The following RAPGEF2 variants were observed in gnomAD, a reference collection of about 807,000 sequenced individuals.
RAPGEF2 encodes the protein Rap guanine nucleotide exchange factor 2.
In RAPGEF2, 54 loss-of-function variants were observed where a neutral mutation model predicts 186.7. The ratio of observed to expected loss-of-function variants is 0.29; its 90% CI spans 0.23 to 0.36. The LOEUF is 0.36. Ranked by LOEUF, RAPGEF2 falls within the 10% of genes least tolerant of loss-of-function variation. The probability of loss-of-function intolerance (pLI) is 1.00; values close to 1 mark genes in which losing one functional copy is unlikely to be tolerated. For synonymous variants in RAPGEF2, 712 were observed against 705.9 expected, an observed-to-expected ratio of 1.01 and a Z score of -0.14; for missense variants, 1,532 against 2,045.0, an observed-to-expected ratio of 0.75 and a Z score of 4.84.
intron 7 of RAPGEF2, among the ~76,000 whole-genome samples, chr4:159,271,973 T>C (rs1288930352): frequency 6.6e-6 from 1 of 152,196 alleles, no homozygotes; most frequent in Non-Finnish European, 1.5e-5. Context: ...GGTCTTACCA[T>C]GTACATTTCC....
intron 3 of RAPGEF2, among the ~76,000 whole-genome samples, chr4:159,198,430 C>CTT (rs1749049025): frequency 2.9e-5 from 2 of 69,662 alleles, no homozygotes; most frequent in African/African-American, 8.8e-5. Flanking sequence ...CTCTCTCTCT[C>CTT]TCTTTCTTTC....
intron 1 of RAPGEF2, among the ~76,000 whole-genome samples, chr4:159,141,303 A>G (rs1035145123): frequency 2.0e-5 from 3 of 152,196 alleles, no homozygotes; most frequent in African/African-American, 4.8e-5. Flanking sequence ...CAGTCGTTTC[A>G]TACACATAGT....
In RAPGEF2 at chr4:159,329,863, C is replaced by T. The variant is rs1216667286; in HGVS notation, c.1155C>T (p.Val385=). The T allele has an allele frequency of 1.2e-6, 2 of 1,608,342 alleles. No individual in the cohort carries two copies. The highest frequency in any genetic ancestry group is 1.7e-5 in the Admixed American group (1 of 59,052). The change falls in exon 12 of 30, where the codon GTC becomes GTT. Residue 385 remains valine (V), a synonymous_variant. Transcript: ENST00000691494. ...MRTKVDDCQF[V]CIAQQDYCRI... is the part of the protein sequence containing the mutation. ...TGACTTATGTTTTATTCCAGTTTGT[C>T]TGCATAGCCCAGCAAGATTACTGCC... is the stretch of plus-strand genomic sequence containing the variant.
rs1343606298 is a variant in RAPGEF2 at position 159,358,565 on chromosome 4, C to T, written c.*426C>T. The T allele has an allele frequency of 6.0e-6, 1 of 166,422 alleles. No individual in the cohort carries two copies. The allele number at this position is 166,422 out of a possible 1,614,324, so 10.3% of individuals were successfully genotyped here. A position where few individuals can be genotyped will look rare whatever the true frequency, so the allele number is the denominator to read the frequency against. The stretch of plus-strand genomic sequence containing the variant: ...GATCTCATTGGGATAATGAGAAAAG[C>T]TAGCCATTGAACTACTTGGGGCCTT... On this transcript the variant is annotated 3_prime_UTR_variant, in exon 30 of 30. Coordinates refer to ENST00000691494, the MANE Select transcript of RAPGEF2 (RefSeq NM_001394067.2).
intron 1 of RAPGEF2, among the ~76,000 whole-genome samples, chr4:159,125,035 A>AT (rs755621950): frequency 0.037 from 5,190 of 140,348 alleles, 108 homozygotes; most frequent in Non-Finnish European, 0.046. Context: ...AGGTTTTTCT[A>AT]TTTTTTTTTT....
intron 1 of RAPGEF2, among the ~76,000 whole-genome samples, chr4:159,139,682 A>T (rs1483004480): frequency 6.6e-6 from 1 of 152,178 alleles, no homozygotes; most frequent in Non-Finnish European, 1.5e-5. Context: ...AAATTATTCT[A>T]AAGTTATCTT....
chr4:159,192,149 A>G (rs1021672481), intron 2 of RAPGEF2, among the ~76,000 whole-genome samples: 1 of 152,200 alleles, frequency 6.6e-6, no homozygotes, highest in Non-Finnish European at 1.5e-5. Flanking sequence ...TTGTTATTCA[A>G]CTTGGCAACT....
Position 159,312,755 on chromosome 4 carries a change from C to A in RAPGEF2, c.676-1836C>A, listed in dbSNP as rs200502672. Among the ~76,000 whole-genome samples the A allele has an allele frequency of 2.6e-5, 4 of 152,178 alleles. No homozygotes were observed. The East Asian group carries it at 7.7e-4, about 29-fold the overall frequency. On this transcript the variant is annotated intron_variant, in intron 8 of 29. Transcript: ENST00000691494. ...AAAGAGCAGAAAATGTGATAAAACT[C>A]ATTGTTAACACATGCTTGTATTATT...
At chr4:159,214,463 A>G (rs752352162) in intron 4 of RAPGEF2, among the ~76,000 whole-genome samples, 25 of 152,076 alleles carry the variant, frequency 1.6e-4, no homozygotes, top group Non-Finnish European at 3.1e-4. Context: ...GCTTTATGCT[A>G]TTGTACCTAA....
rs1737494570 is a variant in RAPGEF2, at chr4:159,104,047, G to T, written c.-116G>T. ...GCGCCGCCGCCGCCGCGGTTTGGCTGATTAGTCGCGGGCGGGCGGGCGGGC... is the reference window on the plus strand; with the variant it reads ...GCGCCGCCGCCGCCGCGGTTTGGCTTATTAGTCGCGGGCGGGCGGGCGGGC... On this transcript the variant is annotated 5_prime_UTR_variant, in exon 1 of 30. Transcript: ENST00000691494. 3 of 443,116 alleles carry T rather than the reference G, an allele frequency of 6.8e-6. No homozygotes were observed. The highest frequency in any genetic ancestry group is 2.2e-5 in the African/African-American group (1 of 46,480). 27.4% of individuals were successfully genotyped at this position (443,116 alleles called of 1,614,324 possible). A position where few individuals can be genotyped will look rare whatever the true frequency, so the allele number is the denominator to read the frequency against.
intron 1 of RAPGEF2, among the ~76,000 whole-genome samples, chr4:159,149,499 C>T (rs1743304503): frequency 6.6e-6 from 1 of 152,072 alleles, no homozygotes; most frequent in South Asian, 2.1e-4. Flanking sequence ...CCTCGTGATC[C>T]ACCCAATTTG....
intron 1 of RAPGEF2, among the ~76,000 whole-genome samples, chr4:159,133,248 A>C (rs762461883): frequency 2.1e-4 from 32 of 152,082 alleles, no homozygotes; most frequent in Non-Finnish European, 4.1e-4. Flanking sequence ...CTGACCTGCA[A>C]AATTTCTGCT....
At chr4:159,297,104 G>A (rs1762112609) in intron 7 of RAPGEF2, among the ~76,000 whole-genome samples, 1 of 152,092 alleles carries the variant, frequency 6.6e-6, no homozygotes, top group Non-Finnish European at 1.5e-5. Context: ...ACCACATAAA[G>A]ATATATATTT....
chr4:159,300,101 TA>T (rs1762470914), intron 7 of RAPGEF2, among the ~76,000 whole-genome samples: 1 of 151,400 alleles, frequency 6.6e-6, no homozygotes, highest in Admixed American at 6.6e-5. Flanking sequence ...TATAAAGTAT[TA>T]AAAGTGTAAA....
At chr4:159,278,008 A>G (rs1198583828) in intron 7 of RAPGEF2, among the ~76,000 whole-genome samples, 5 of 152,164 alleles carry the variant, frequency 3.3e-5, no homozygotes, top group Non-Finnish European at 7.3e-5. Flanking sequence ...TTTAGTCATG[A>G]AGTCCTTGCC....
intron 7 of RAPGEF2, among the ~76,000 whole-genome samples, chr4:159,256,480 G>C (rs1756179449): frequency 6.6e-6 from 1 of 152,120 alleles, no homozygotes; most frequent in South Asian, 2.1e-4. Flanking sequence ...CCATGTCTTT[G>C]CTATTGTGAG....
chr4:159,305,088 C>T (rs1322615952), intron 8 of RAPGEF2, among the ~76,000 whole-genome samples: 1 of 152,138 alleles, frequency 6.6e-6, no homozygotes, highest in Non-Finnish European at 1.5e-5. Context: ...CATTGATGAA[C>T]ACTTTGGTTG....
intron 7 of RAPGEF2, among the ~76,000 whole-genome samples, chr4:159,258,970 C>G (rs575619485): frequency 6.6e-6 from 1 of 152,160 alleles, no homozygotes; most frequent in Admixed American, 6.5e-5. Context: ...GAGAATAAAA[C>G]TGACACTTAT....
chr4:159,257,709 A>G (rs1756347074), intron 7 of RAPGEF2, among the ~76,000 whole-genome samples: 1 of 152,106 alleles, frequency 6.6e-6, no homozygotes, highest in Non-Finnish European at 1.5e-5. Context: ...TGCTTATGTC[A>G]GGTTTGTTGA....
Sources: gnomAD v4.1 joint callset for allele counts (sites outside exome capture counted in the v4.1 genomes callset) on GRCh38, gnomAD v4.1.1 for gene constraint, MANE v1.5 for transcripts, NCBI Gene and HGNC (gene_info 2026-07-23, HGNC 2026-07-21) for gene names.